The following CSMD1 variants were observed in gnomAD, a reference collection of about 807,000 sequenced individuals.
The protein encoded by CSMD1 is CUB and sushi domain-containing protein 1.
Under a neutral mutation model 417.5 loss-of-function variants are expected in CSMD1, and 213 were observed. The observed-to-expected ratio is 0.51, with a 90% CI of 0.46 to 0.57. CSMD1 has a LOEUF of 0.57. CSMD1 is among the 20% of genes least tolerant of loss of function. The probability of loss-of-function intolerance (pLI) is 0.00; values close to 1 mark genes in which losing one functional copy is unlikely to be tolerated. For synonymous variants in CSMD1, 2,862 were observed against 1,736.8 expected (o/e 1.65, Z -16.11); for missense variants, 6,923 against 4,529.7 (o/e 1.53, Z -15.17).
intron 25 of CSMD1, among the ~76,000 whole-genome samples, chr8:3,288,566 G>T (rs1244362134): frequency 6.8e-6 from 1 of 147,372 alleles, no homozygotes; most frequent in East Asian, 2.0e-4. Flanking sequence ...ATTTCTTCTA[G>T]ATTTTCTAGT....
At chr8:4,681,071 T>C (rs891773646) in intron 1 of CSMD1, among the ~76,000 whole-genome samples, 36 of 152,154 alleles carry the variant, frequency 2.4e-4, no homozygotes, top group Admixed American at 7.8e-4. Flanking sequence ...ACTTGCATTA[T>C]GGCTACGTAA....
chr8:3,808,550 C>A (rs1800880723), intron 5 of CSMD1, among the ~76,000 whole-genome samples: 1 of 152,200 alleles, frequency 6.6e-6, no homozygotes, highest in South Asian at 2.1e-4. Flanking sequence ...AAGTCTGTCT[C>A]TCTTTATGAT....
At chr8:3,091,249 T>A (rs190762207) in intron 48 of CSMD1, among the ~76,000 whole-genome samples, 1 of 152,214 alleles carries the variant, frequency 6.6e-6, no homozygotes, top group East Asian at 1.9e-4. Flanking sequence ...TTAGTTTATC[T>A]TTTGGAAAAT....
chr8:3,686,422 T>C (rs965789568), intron 7 of CSMD1, among the ~76,000 whole-genome samples: 4 of 152,310 alleles, frequency 2.6e-5, no homozygotes, highest in East Asian at 3.9e-4. Flanking sequence ...CTTCTCTATT[T>C]GCTGGTGGAT....
intron 41 of CSMD1, among the ~76,000 whole-genome samples, chr8:3,132,636 T>C (rs886830173): frequency 6.6e-6 from 1 of 152,198 alleles, no homozygotes; most frequent in African/African-American, 2.4e-5. Context: ...CAGATTATTC[T>C]GAGAAACTGC....
At chr8:4,396,856 TACA>T (rs1804261453) in intron 3 of CSMD1, among the ~76,000 whole-genome samples, 1 of 151,958 alleles carries the variant, frequency 6.6e-6, no homozygotes, top group Non-Finnish European at 1.5e-5. Flanking sequence ...ATAAGAATGA[TACA>T]ACAACTTTCA....
chr8:4,572,308 C>G (rs1232012600), intron 2 of CSMD1, among the ~76,000 whole-genome samples: 1 of 152,182 alleles, frequency 6.6e-6, no homozygotes, highest in East Asian at 1.9e-4. Flanking sequence ...ATAAGGCAGG[C>G]CTAGTGGTGA....
intron 33 of CSMD1, among the ~76,000 whole-genome samples, chr8:3,198,641 T>A (rs1353734236): frequency 6.6e-6 from 1 of 152,206 alleles, no homozygotes; most frequent in African/African-American, 2.4e-5. Flanking sequence ...CTTTAAATGA[T>A]CTAATTGCTG....
intron 2 of CSMD1, among the ~76,000 whole-genome samples, chr8:4,451,583 C>T (rs1255408533): frequency 6.6e-6 from 1 of 151,982 alleles, no homozygotes. Context: ...CAAAGAAAGC[C>T]TTAAAAAGAA....
At chr8:3,968,397 G>A (rs939381637) in intron 5 of CSMD1, among the ~76,000 whole-genome samples, 3 of 152,062 alleles carry the variant, frequency 2.0e-5, no homozygotes, top group Non-Finnish European at 2.9e-5. Context: ...ACTGAGCACG[G>A]CTCTTCTTCC....
chr8:4,191,427 A>G (rs1000553609), intron 3 of CSMD1, among the ~76,000 whole-genome samples: 4 of 150,590 alleles, frequency 2.7e-5, no homozygotes, highest in African/African-American at 5.0e-5. Context: ...AAAACAAAAC[A>G]AAAAACACAA....
intron 3 of CSMD1, among the ~76,000 whole-genome samples, chr8:4,085,259 C>A (rs1224602977): frequency 6.6e-6 from 1 of 151,980 alleles, no homozygotes; most frequent in Admixed American, 6.6e-5. Context: ...AGCTTCTTCC[C>A]CAAAAATCTG....
At chr8:3,175,511 T>TTC (rs1820874323) in intron 37 of CSMD1, among the ~76,000 whole-genome samples, 1 of 54,456 alleles carries the variant, frequency 1.8e-5, no homozygotes, top group Non-Finnish European at 4.8e-5. Flanking sequence ...CTGCCTGCCT[T>TTC]TTTTCCTTCC....
At chr8:4,025,556 C>G (rs527388245) in intron 4 of CSMD1, among the ~76,000 whole-genome samples, 3 of 152,232 alleles carry the variant, frequency 2.0e-5, no homozygotes, top group Non-Finnish European at 2.9e-5. Flanking sequence ...TATTTCTCCC[C>G]TAGACAGACA....
intron 5 of CSMD1, among the ~76,000 whole-genome samples, chr8:3,801,944 G>T (rs536293622): frequency 1.3e-5 from 2 of 152,134 alleles, no homozygotes; most frequent in African/African-American, 4.8e-5. Context: ...GGGTAGAACA[G>T]AAAATGACTG....
chr8:4,580,030 G>A (rs918648251), intron 2 of CSMD1, among the ~76,000 whole-genome samples: 9 of 152,128 alleles, frequency 5.9e-5, no homozygotes, highest in African/African-American at 2.2e-4. Flanking sequence ...CTTTATAGTA[G>A]TAACTGTGAC....
intron 36 of CSMD1, among the ~76,000 whole-genome samples, chr8:3,181,764 T>G (rs1003242188): frequency 1.5e-4 from 23 of 152,188 alleles, no homozygotes; most frequent in African/African-American, 5.1e-4. Flanking sequence ...TAGGGCTATT[T>G]TGACATAGTG....
At chr8:4,340,751 ACT>A (rs1563072736) in intron 3 of CSMD1, among the ~76,000 whole-genome samples, 1 of 152,092 alleles carries the variant, frequency 6.6e-6, no homozygotes, top group Non-Finnish European at 1.5e-5. Context: ...TTTTCAGCAA[ACT>A]CTGCAAAACT....
At chr8:3,610,529 T>A (rs1360766650) in intron 8 of CSMD1, among the ~76,000 whole-genome samples, 1 of 151,828 alleles carries the variant, frequency 6.6e-6, no homozygotes, top group African/African-American at 2.4e-5. Flanking sequence ...AATAAATAGG[T>A]CATATAAGTA....
Sources: gnomAD v4.1 joint callset for allele counts (sites outside exome capture counted in the v4.1 genomes callset) on GRCh38, gnomAD v4.1.1 for gene constraint, MANE v1.5 for transcripts, NCBI Gene and HGNC (gene_info 2026-07-23, HGNC 2026-07-21) for gene names.